ZNF536: variants seen among roughly 807,000 people sequenced by gnomAD.
The protein encoded by ZNF536 is zinc finger protein 536.
ZNF536 carries 13 observed loss-of-function variants against 84.5 expected under a neutral mutation model. The ratio of observed to expected loss-of-function variants is 0.15; its 90% CI spans 0.10 to 0.24. ZNF536 has a LOEUF of 0.24. Among genes scored for constraint, ZNF536 ranks in the 10% least tolerant of loss-of-function variants. The probability of loss-of-function intolerance (pLI) is 1.00; values close to 1 mark genes in which losing one functional copy is unlikely to be tolerated. For missense variants in ZNF536, 1,536 were observed against 1,747.5 expected, an observed-to-expected ratio of 0.88 and a Z score of 2.16; for synonymous variants, 811 against 742.5, an observed-to-expected ratio of 1.09 and a Z score of -1.50.
chr19:30,406,578 A>G (rs187503211), intron 1 of ZNF536, among the ~76,000 whole-genome samples: 3 of 152,274 alleles, frequency 2.0e-5, no homozygotes, highest in Admixed American at 6.5e-5. Context: ...GGAAACTTGG[A>G]TTATCTAGCA....
downstream of ZNF536, among the ~76,000 whole-genome samples, chr19:30,558,562 A>G (rs955767426): frequency 6.6e-6 from 1 of 152,176 alleles, no homozygotes; most frequent in East Asian, 1.9e-4. Context: ...GGAGGTGGGA[A>G]TCTTTATGTT....
At chr19:30,647,032 A>C (rs1174753445) in intron 1 of ZNF536, among the ~76,000 whole-genome samples, 1 of 152,104 alleles carries the variant, frequency 6.6e-6, no homozygotes, top group Non-Finnish European at 1.5e-5. Context: ...ACCGCTGGAG[A>C]TTAGTCCTTT....
At chr19:30,421,008 G>A (rs1845644887) in intron 1 of ZNF536, among the ~76,000 whole-genome samples, 1 of 152,058 alleles carries the variant, frequency 6.6e-6, no homozygotes, top group South Asian at 2.1e-4. Context: ...TGCGGCAGAC[G>A]GGGCTCTTCT....
chr19:30,384,698 A>G (rs1181734133), intron 1 of ZNF536, among the ~76,000 whole-genome samples: 1 of 152,016 alleles, frequency 6.6e-6, no homozygotes, highest in Non-Finnish European at 1.5e-5. Context: ...GAGAGGAGGA[A>G]TGGCTTGGAA....
At chr19:30,407,339 C>T (rs2050301907) in intron 1 of ZNF536, among the ~76,000 whole-genome samples, 1 of 152,128 alleles carries the variant, frequency 6.6e-6, no homozygotes, top group South Asian at 2.1e-4. Context: ...CATGATTTTC[C>T]TCTTCTCTCA....
chr19:30,690,679 C>T (rs972424659), intron 1 of ZNF536, among the ~76,000 whole-genome samples: 2 of 152,254 alleles, frequency 1.3e-5, no homozygotes, highest in African/African-American at 4.8e-5. Context: ...GTTTCATACC[C>T]AGCTGCCCCA....
chr19:30,576,759 G>C (rs2046752352), intron 1 of ZNF536, among the ~76,000 whole-genome samples: 1 of 152,162 alleles, frequency 6.6e-6, no homozygotes, highest in Non-Finnish European at 1.5e-5. Flanking sequence ...TGGTCCACGT[G>C]GGGACTGGAG....
intron 2 of ZNF536, among the ~76,000 whole-genome samples, chr19:30,327,324 T>A (rs10417441): frequency 7.9e-5 from 12 of 151,966 alleles, no homozygotes; most frequent in Non-Finnish European, 1.5e-4. Flanking sequence ...ATGACTGAGG[T>A]CTGACTGAAC....
intron 2 of ZNF536, among the ~76,000 whole-genome samples, chr19:30,520,587 G>A (rs1211735358): frequency 6.6e-6 from 1 of 152,078 alleles, no homozygotes; most frequent in African/African-American, 2.4e-5. Context: ...AGAGAGTGAA[G>A]ATGTGTTATG....
chr19:30,539,980 T>C (rs2045264158), intron 3 of ZNF536, among the ~76,000 whole-genome samples: 1 of 152,196 alleles, frequency 6.6e-6, no homozygotes, highest in Admixed American at 6.5e-5. Context: ...CAGGGACTAA[T>C]TAAAAATAAA....
At chr19:30,270,379 T>G (rs1034069760) in intron 1 of ZNF536, among the ~76,000 whole-genome samples, 6 of 152,228 alleles carry the variant, frequency 3.9e-5, no homozygotes, top group African/African-American at 1.4e-4. Context: ...TTGACCTTTT[T>G]GGGGCTCTGA....
chr19:30,701,036 A>G (rs1402706153), intron 1 of ZNF536, among the ~76,000 whole-genome samples: 2 of 152,160 alleles, frequency 1.3e-5, no homozygotes, highest in African/African-American at 4.8e-5. Context: ...AGGCAATGGC[A>G]CTGTCAAACG....
intron 1 of ZNF536, among the ~76,000 whole-genome samples, chr19:30,254,901 A>G (rs1210971228): frequency 1.3e-5 from 2 of 152,190 alleles, no homozygotes; most frequent in African/African-American, 2.4e-5. Context: ...TGGACTTAAA[A>G]GTCTTTAAAA....
chr19:30,467,311 C>A lies in ZNF536; in HGVS notation c.2170+21579C>A, dbSNP rs970918854. ...CCAGCACTTGGCAACCACCCTTCTA[C>A]TTTCCATGTATGGATTTGAGTACTC... On this transcript the variant is annotated intron_variant, in intron 2 of 4. Coordinates refer to ENST00000355537, the MANE Select transcript of ZNF536 (RefSeq NM_014717.3). Among the ~76,000 whole-genome samples, 5 of 152,354 alleles carry A rather than the reference C, an allele frequency of 3.3e-5. No homozygotes were observed. The South Asian group carries it at 1.0e-3, about 32-fold the overall frequency.
chr19:30,703,289 G>A (rs1042950084), intron 1 of ZNF536, among the ~76,000 whole-genome samples: 18 of 152,160 alleles, frequency 1.2e-4, no homozygotes, highest in Non-Finnish European at 1.8e-4. Flanking sequence ...GATGAGGAGG[G>A]GGGATGCTCA....
chr19:30,438,113 C>T (rs879337957), intron 1 of ZNF536, among the ~76,000 whole-genome samples: 4 of 152,074 alleles, frequency 2.6e-5, no homozygotes, highest in Non-Finnish European at 5.9e-5. Flanking sequence ...ATTTTAGACT[C>T]GGGGGTACAT....
chr19:30,687,855 T>A (rs935985133), intron 1 of ZNF536, among the ~76,000 whole-genome samples: 1 of 152,210 alleles, frequency 6.6e-6, no homozygotes, highest in Non-Finnish European at 1.5e-5. Flanking sequence ...AAAAAACTTT[T>A]ATTTGCATGA....
At chr19:30,698,861 T>C (rs1238702495) in intron 1 of ZNF536, among the ~76,000 whole-genome samples, 1 of 152,218 alleles carries the variant, frequency 6.6e-6, no homozygotes, top group Non-Finnish European at 1.5e-5. Context: ...ATGCTCCGTC[T>C]CCTTGAGCAA....
At chr19:30,675,276 AT>A (rs1447953759) in intron 1 of ZNF536, among the ~76,000 whole-genome samples, 1 of 152,146 alleles carries the variant, frequency 6.6e-6, no homozygotes, top group African/African-American at 2.4e-5. Context: ...AGGCAAATGG[AT>A]TTGCCCTTGA....
Sources: gnomAD v4.1 joint callset for allele counts (sites outside exome capture counted in the v4.1 genomes callset) on GRCh38, gnomAD v4.1.1 for gene constraint, MANE v1.5 for transcripts, NCBI Gene and HGNC (gene_info 2026-07-23, HGNC 2026-07-21) for gene names.